CNTN5: variants seen among roughly 807,000 people sequenced by gnomAD.
The protein encoded by CNTN5 is contactin-5.
In CNTN5, 77 loss-of-function variants were observed where a neutral mutation model predicts 129.1. The observed-to-expected ratio is 0.60, with a 90% CI of 0.50 to 0.72. The LOEUF (loss-of-function observed/expected upper bound fraction) is 0.72. Ranked by LOEUF, CNTN5 falls within the 30% of genes least tolerant of loss-of-function variation. CNTN5 has a pLI of 0.00. For missense variants in CNTN5, 1,478 were observed against 1,328.8 expected, an observed-to-expected ratio of 1.11 and a Z score of -1.75; for synonymous variants, 509 against 465.6, an observed-to-expected ratio of 1.09 and a Z score of -1.20.
In CNTN5 at chr11:99,243,728, T is replaced by C. The variant is rs369303862; in HGVS notation, c.-209-81618T>C. ...TTTATTCAATAGGAAGTCCTTTCCC[T>C]ATTGCTTATTTTTTTTTTTTTTTTT... is the stretch of plus-strand genomic sequence containing the variant. On this transcript the variant is annotated intron_variant, in intron 1 of 24. Transcript: ENST00000524871. 3.3e-3 allele frequency among the ~76,000 whole-genome samples: 482 copies of C among 146,574 alleles called. 2 individuals are homozygous for C. The highest frequency in any genetic ancestry group is 0.011 in the African/African-American group (462 of 40,452).
chr11:99,553,941 C>T (rs1394229158), intron 2 of CNTN5, among the ~76,000 whole-genome samples: 1 of 148,438 alleles, frequency 6.7e-6, no homozygotes. Context: ...CCCTAAGGAC[C>T]AAGCACTGGT....
chr11:99,297,315 G>A (rs188569107), intron 1 of CNTN5, among the ~76,000 whole-genome samples: 1 of 152,134 alleles, frequency 6.6e-6, no homozygotes, highest in Non-Finnish European at 1.5e-5. Context: ...CAGTAGCAAA[G>A]GGGTCTTTCC....
intron 3 of CNTN5, among the ~76,000 whole-genome samples, chr11:99,804,058 G>C (rs987961398): frequency 6.6e-6 from 1 of 152,098 alleles, no homozygotes; most frequent in Non-Finnish European, 1.5e-5. Flanking sequence ...TGTAATGACA[G>C]CACATGTCAG....
chr11:100,016,951 C>A (rs770600), intron 9 of CNTN5, among the ~76,000 whole-genome samples: 62,238 of 151,258 alleles, frequency 0.41, 13,076 homozygotes, highest in East Asian at 0.55. Flanking sequence ...GTCTGAAAAA[C>A]ATAATTCTCA....
intron 1 of CNTN5, among the ~76,000 whole-genome samples, chr11:99,047,124 A>T (rs1254886396): frequency 6.6e-6 from 1 of 152,024 alleles, no homozygotes; most frequent in Non-Finnish European, 1.5e-5. Flanking sequence ...CATGGCAATG[A>T]TTATCCATTT....
intron 6 of CNTN5, among the ~76,000 whole-genome samples, chr11:99,889,758 G>T (rs561053391): frequency 2.6e-5 from 4 of 152,046 alleles, no homozygotes; most frequent in Non-Finnish European, 5.9e-5. Context: ...AGCTGGGCAG[G>T]CTGGTCTCGA....
At chr11:100,174,132 C>T (rs975924115) in intron 13 of CNTN5, among the ~76,000 whole-genome samples, 5 of 152,010 alleles carry the variant, frequency 3.3e-5, no homozygotes, top group Admixed American at 1.3e-4. Context: ...TTAAAGGCAA[C>T]GGTTAGAAGG....
intron 3 of CNTN5, among the ~76,000 whole-genome samples, chr11:99,689,551 AAG>A (rs1555077178): frequency 2.5e-4 from 38 of 150,406 alleles, no homozygotes; most frequent in African/African-American, 8.5e-4. Context: ...AAAAAAAAAA[AAG>A]GCATTCCTTT....
chr11:100,140,608 G>A (rs1447672515), intron 13 of CNTN5, among the ~76,000 whole-genome samples: 1 of 152,106 alleles, frequency 6.6e-6, no homozygotes, highest in East Asian at 1.9e-4. Flanking sequence ...TAAAGGAAAG[G>A]CCAAAGGCCT....
intron 1 of CNTN5, among the ~76,000 whole-genome samples, chr11:99,103,732 G>C (rs1866854424): frequency 6.6e-6 from 1 of 150,488 alleles, no homozygotes. Flanking sequence ...TGTTTAACCA[G>C]GTGAACCATA....
intron 2 of CNTN5, among the ~76,000 whole-genome samples, chr11:99,344,219 G>T (rs999540746): frequency 6.6e-6 from 1 of 152,116 alleles, no homozygotes; most frequent in African/African-American, 2.4e-5. Flanking sequence ...TCGATAACTT[G>T]CTGATAAGTA....
intron 2 of CNTN5, among the ~76,000 whole-genome samples, chr11:99,501,320 C>A (rs995850376): frequency 6.6e-5 from 10 of 152,132 alleles, no homozygotes; most frequent in Admixed American, 6.6e-4. Flanking sequence ...GAATGAGATC[C>A]AGGTCAAGCC....
chr11:100,283,512 G>A (rs1433525700), intron 18 of CNTN5, among the ~76,000 whole-genome samples: 2 of 152,180 alleles, frequency 1.3e-5, no homozygotes, highest in African/African-American at 2.4e-5. Flanking sequence ...TTGCCTAGGA[G>A]TTACAGTCCT....
intron 1 of CNTN5, among the ~76,000 whole-genome samples, chr11:99,106,576 A>G (rs551797338): frequency 5.7e-4 from 86 of 152,128 alleles, no homozygotes; most frequent in African/African-American, 2.0e-3. Context: ...AATATTAAAT[A>G]TTTGCTTTAT....
intron 1 of CNTN5, among the ~76,000 whole-genome samples, chr11:99,023,232 A>G (rs1470129748): frequency 6.6e-6 from 1 of 152,234 alleles, no homozygotes; most frequent in East Asian, 1.9e-4. Context: ...TGTAAGATGA[A>G]TCATTAAAAT....
At chr11:99,559,190 G>A (rs1326081233) in intron 3 of CNTN5, among the ~76,000 whole-genome samples, 2 of 152,062 alleles carry the variant, frequency 1.3e-5, no homozygotes, top group Admixed American at 1.3e-4. Context: ...TTGGCACACT[G>A]AGTTAATTAC....
intron 21 of CNTN5, among the ~76,000 whole-genome samples, chr11:100,318,307 C>G (rs1951611076): frequency 1.3e-5 from 2 of 149,888 alleles, no homozygotes; most frequent in African/African-American, 2.5e-5. Context: ...GAATTTATTG[C>G]ACCACCTCTA....
intron 13 of CNTN5, among the ~76,000 whole-genome samples, chr11:100,158,959 T>C (rs1260882436): frequency 6.6e-6 from 1 of 151,896 alleles, no homozygotes; most frequent in Non-Finnish European, 1.5e-5. Flanking sequence ...GACAGTGTAT[T>C]CAGATAATGG....
intron 1 of CNTN5, among the ~76,000 whole-genome samples, chr11:99,218,514 T>C (rs1235020202): frequency 6.6e-6 from 1 of 152,068 alleles, no homozygotes; most frequent in Non-Finnish European, 1.5e-5. Flanking sequence ...CACTTTAGAA[T>C]GTGAAGATGG....
Sources: allele counts gnomAD v4.1 joint callset (sites outside exome capture counted in the v4.1 genomes callset), GRCh38; gene constraint gnomAD v4.1.1; transcripts MANE v1.5; gene names NCBI Gene and HGNC (gene_info 2026-07-23, HGNC 2026-07-21).